The following SYCP1 variants were observed in gnomAD, a reference collection of about 807,000 sequenced individuals.
The protein encoded by SYCP1 is cancer/testis antigen 8.
In SYCP1, 64 loss-of-function variants were observed where a neutral mutation model predicts 153.1. That is an observed-to-expected ratio of 0.42 (90% CI 0.34 to 0.51). The LOEUF (loss-of-function observed/expected upper bound fraction) is 0.51. Among genes scored for constraint, SYCP1 ranks in the 20% least tolerant of loss-of-function variants. SYCP1 has a pLI of 0.06. For synonymous variants in SYCP1, 384 were observed against 341.8 expected (o/e 1.12, Z -1.36); for missense variants, 997 against 1,049.0 (o/e 0.95, Z 0.68).
At chr1:114,975,050 G>A (rs1557845397) in intron 27 of SYCP1, among the ~76,000 whole-genome samples, 1 of 151,714 alleles carries the variant, frequency 6.6e-6, no homozygotes, top group African/African-American at 2.4e-5. Context: ...TATCTCATGT[G>A]GCTGTGATTT....
At chr1:114,913,681 A>G (rs1043776109) in intron 19 of SYCP1, among the ~76,000 whole-genome samples, 1 of 152,092 alleles carries the variant, frequency 6.6e-6, no homozygotes, top group Non-Finnish European at 1.5e-5. Context: ...GTAGGTAACA[A>G]TGAATGGAAA....
intron 20 of SYCP1, among the ~76,000 whole-genome samples, chr1:114,917,122 A>G (rs1420756074): frequency 6.6e-6 from 1 of 151,990 alleles, no homozygotes; most frequent in African/African-American, 2.4e-5. Flanking sequence ...CTCATTAACC[A>G]TCTCCATTTC....
intron 8 of SYCP1, among the ~76,000 whole-genome samples, chr1:114,868,655 A>G (rs1664918487): frequency 6.6e-6 from 1 of 152,186 alleles, no homozygotes; most frequent in African/African-American, 2.4e-5. Flanking sequence ...TGTTTGTAGA[A>G]TTCACCAGTG....
At chr1:114,895,060 C>A (rs908300836) in intron 15 of SYCP1, among the ~76,000 whole-genome samples, 4 of 151,958 alleles carry the variant, frequency 2.6e-5, no homozygotes, top group African/African-American at 7.2e-5. Context: ...GTACAATGCT[C>A]AGAGTTAGCT....
chr1:114,877,577 C>T (rs1479694013), intron 11 of SYCP1, among the ~76,000 whole-genome samples: 3 of 152,050 alleles, frequency 2.0e-5, no homozygotes, highest in Admixed American at 6.5e-5. Flanking sequence ...AGTACTGAAA[C>T]GCTTTTTGGA....
chr1:114,864,269 A>G (rs994592975), intron 8 of SYCP1, among the ~76,000 whole-genome samples: 1 of 152,110 alleles, frequency 6.6e-6, no homozygotes, highest in African/African-American at 2.4e-5. Context: ...TTTCTGGTTA[A>G]GTGACATTGG....
intron 27 of SYCP1, among the ~76,000 whole-genome samples, chr1:114,975,816 T>C (rs528167556): frequency 6.6e-6 from 1 of 151,960 alleles, no homozygotes; most frequent in African/African-American, 2.4e-5. Context: ...TTTACTATCT[T>C]GATATGGAGA....
intron 27 of SYCP1, among the ~76,000 whole-genome samples, chr1:114,969,223 C>T (rs955481672): frequency 6.6e-6 from 1 of 152,208 alleles, no homozygotes; most frequent in Non-Finnish European, 1.5e-5. Context: ...GGGAGATCCT[C>T]TGCTCTCTTC....
At chr1:114,934,589 A>G (rs565036509) in intron 23 of SYCP1, among the ~76,000 whole-genome samples, 5 of 152,274 alleles carry the variant, frequency 3.3e-5, no homozygotes, top group Admixed American at 1.3e-4. Context: ...TGGGCTAAAT[A>G]CTCCAATTAA....
chr1:114,993,274 T>C (rs1210454745), intron 30 of SYCP1, among the ~76,000 whole-genome samples: 1 of 151,594 alleles, frequency 6.6e-6, no homozygotes, highest in Admixed American at 6.6e-5. Flanking sequence ...ATTTATTGAA[T>C]TCTGTTGAAA....
In SYCP1 at chr1:114,926,512, GA is replaced by G. The variant is rs762984894; in HGVS notation, c.1884del (p.Gly629ValfsTer8). On this transcript the variant is annotated frameshift_variant, in exon 23 of 32. Transcript: ENST00000369522. LOFTEE classifies it high-confidence loss of function. The stretch of plus-strand genomic sequence containing the variant: ...TTTAATTTTAACAGAATAAGGCCTT[GA>G]AAAAAAAAGGTACAGCAGAAAGCAA... ...EELQQENKAL[K>X]KKGTAESKQL... 221 of 1,559,942 alleles carry G rather than the reference GA, an allele frequency of 1.4e-4. No homozygotes were observed. The highest frequency in any genetic ancestry group is 4.7e-4 in the South Asian group (39 of 83,488).
intron 23 of SYCP1, among the ~76,000 whole-genome samples, chr1:114,931,846 G>T (rs1382012445): frequency 6.6e-6 from 1 of 151,968 alleles, no homozygotes; most frequent in East Asian, 1.9e-4. Context: ...AGACAATGAG[G>T]TATTATTTTT....
At chr1:114,859,504 AT>A (rs1483793002) in intron 6 of SYCP1, among the ~76,000 whole-genome samples, 1 of 152,260 alleles carries the variant, frequency 6.6e-6, no homozygotes, top group Non-Finnish European at 1.5e-5. Flanking sequence ...ATAATATTGC[AT>A]TAAAATATTG....
chr1:114,980,478 T>C (rs1448879846), intron 28 of SYCP1, among the ~76,000 whole-genome samples: 1 of 151,976 alleles, frequency 6.6e-6, no homozygotes, highest in Non-Finnish European at 1.5e-5. Flanking sequence ...TTCTCAGTTT[T>C]TTTCCCTGAA....
In SYCP1 at chr1:114,866,739, T is replaced by C. The variant is rs541373323; in HGVS notation, c.598+5930T>C. Among the ~76,000 whole-genome samples, 16 of 151,968 alleles carry C rather than the reference T, an allele frequency of 1.1e-4. No homozygotes were observed. The East Asian group carries it at 3.1e-3, about 29-fold the overall frequency. On this transcript the variant is annotated intron_variant, in intron 8 of 31. Transcript: ENST00000369522. The stretch of plus-strand genomic sequence containing the variant: ...AATGAAGTCCAGCTCATTATTTCTT[T>C]CTTTCATGGATTGTATCTAAAAAAA...
chr1:114,926,512 GAA>G lies in SYCP1; in HGVS notation c.1883_1884del (p.Lys628ArgfsTer12). The G allele has an allele frequency of 1.3e-6, 2 of 1,562,166 alleles. No individual in the cohort carries two copies. The highest frequency in any genetic ancestry group is 1.2e-5 in the South Asian group (1 of 83,794). On this transcript the variant is annotated frameshift_variant, in exon 23 of 32. Transcript: ENST00000369522. LOFTEE classifies it high-confidence loss of function. Reference protein sequence around the residue: ...EELQQENKALKKKGTAESKQL... With the variant: ...EELQQENKALXKKGTAESKQL... ...TTTAATTTTAACAGAATAAGGCCTT[GAA>G]AAAAAAAGGTACAGCAGAAAGCAAG...
In SYCP1 at chr1:114,913,075, A is replaced by G; in HGVS notation, c.1572A>G (p.Ser524=). 6.2e-7 allele frequency: 1 copy of G among 1,612,460 alleles called. No individual in the cohort carries two copies. Among genetic ancestry groups the G allele is most frequent in the Non-Finnish European group, 8.5e-7 (1 of 1,179,000 alleles). ...TAACTTCACACTGCAACAAGCTTTC[A>G]CTAGAAAACAAAGAGCTCACACAGG... ...TELTSHCNKL[S]LENKELTQET... is the part of the protein sequence containing the mutation. Residue 524 remains serine, a synonymous_variant, in exon 19 of 32, where the codon TCA becomes TCG. Transcript: ENST00000369522.
intron 27 of SYCP1, among the ~76,000 whole-genome samples, chr1:114,973,989 G>T (rs929349201): frequency 6.6e-6 from 1 of 150,948 alleles, no homozygotes; most frequent in South Asian, 2.1e-4. Flanking sequence ...TGTTTTTTTT[G>T]GAAATAGTAT....
intron 8 of SYCP1, among the ~76,000 whole-genome samples, chr1:114,869,407 T>C (rs1157267374): frequency 6.6e-6 from 1 of 152,172 alleles, no homozygotes; most frequent in African/African-American, 2.4e-5. Flanking sequence ...TACTGTACAA[T>C]TTATAATCTT....
Sources: gnomAD v4.1 joint callset for allele counts (sites outside exome capture counted in the v4.1 genomes callset) on GRCh38, gnomAD v4.1.1 for gene constraint, MANE v1.5 for transcripts, NCBI Gene and HGNC (gene_info 2026-07-23, HGNC 2026-07-21) for gene names.